The following PIGB variants were observed in gnomAD, a reference collection of about 807,000 sequenced individuals.
The protein encoded by PIGB is phosphatidylinositol glycan anchor biosynthesis class B, also known as GPI alpha-1,2-mannosyltransferase 3.
Under a neutral mutation model 68.4 loss-of-function variants are expected in PIGB, and 58 were observed. That is an observed-to-expected ratio of 0.85 (90% CI 0.69 to 1.06). The LOEUF (loss-of-function observed/expected upper bound fraction) is 1.06, where lower values mean the gene tolerates loss of function less well. Ranked by LOEUF, PIGB falls within the 50% of genes least tolerant of loss-of-function variation. PIGB has a pLI of 0.00. For missense variants in PIGB, 634 were observed against 655.8 expected (o/e 0.97, Z 0.36); for synonymous variants, 219 against 220.5 (o/e 0.99, Z 0.06).
chr15:55,328,115 G>T (rs983740117), intron 4 of PIGB, among the ~76,000 whole-genome samples: 2 of 152,202 alleles, frequency 1.3e-5, no homozygotes, highest in Non-Finnish European at 2.9e-5. Context: ...AAAAGTAATT[G>T]TCGTTTGTGC....
rs116362280 is a variant in PIGB at position 55,341,382 on chromosome 15, T to A, written c.1059-356T>A. Among the ~76,000 whole-genome samples the A allele has an allele frequency of 9.5e-3, 1,449 of 152,046 alleles. 19 individuals carry two copies. The highest frequency in any genetic ancestry group is 0.033 in the African/African-American group (1,373 of 41,482). On this transcript the variant is annotated intron_variant, in intron 8 of 11. Coordinates refer to ENST00000164305, the MANE Select transcript of PIGB (RefSeq NM_004855.5). Reference sequence around the variant, plus strand: ...TCTCAGTCAATCAGTCAATCAATACTACCAAAATTTTAAATTGAAGGACCA... The same window carrying A: ...TCTCAGTCAATCAGTCAATCAATACAACCAAAATTTTAAATTGAAGGACCA...
At chr15:55,349,251 T>C (rs1039360984) in intron 9 of PIGB, among the ~76,000 whole-genome samples, 5 of 152,074 alleles carry the variant, frequency 3.3e-5, no homozygotes, top group African/African-American at 1.2e-4. Flanking sequence ...GGCGTGGTCA[T>C]AGCTCACTGT....
At chr15:55,334,630 A>G (rs370674679) in intron 6 of PIGB, among the ~76,000 whole-genome samples, 1 of 152,226 alleles carries the variant, frequency 6.6e-6, no homozygotes, top group East Asian at 1.9e-4. Context: ...GCATAATGAC[A>G]TTTTGGTTAG....
At chr15:55,324,077 G>A (rs984686773) in intron 3 of PIGB, among the ~76,000 whole-genome samples, 5 of 152,092 alleles carry the variant, frequency 3.3e-5, no homozygotes, top group Admixed American at 6.6e-5. Flanking sequence ...TAGTAGAGAC[G>A]GGGTTTCACC....
chr15:55,334,166 T>C (rs1482035523), intron 6 of PIGB, among the ~76,000 whole-genome samples, 159 bp downstream of exon 6: 5 of 152,248 alleles, frequency 3.3e-5, no homozygotes, highest in Admixed American at 3.3e-4. Context: ...ATTTTTTATT[T>C]ATGATCCTGA....
rs375047051 is a variant in PIGB, at chr15:55,355,312, C to A, written c.1545C>A (p.Ser515Arg). The part of the protein sequence containing the change: ...EEEISAFLIS[S>R]NYKRTAVFFH... ...AAATAAGCGCTTTCCTAATTTCAAG[C>A]AATTATAAAAGAACTGCTGTTTTCT... Residue 515 changes from serine to arginine, a missense_variant, in exon 12 of 12, where the codon AGC becomes AGA. Coordinates refer to ENST00000164305, the MANE Select transcript of PIGB (RefSeq NM_004855.5). 1.2e-5 allele frequency: 19 copies of A among 1,609,060 alleles called. No homozygotes were observed. The highest frequency in any genetic ancestry group is 1.5e-5 in the Non-Finnish European group (18 of 1,177,154).
intron 3 of PIGB, among the ~76,000 whole-genome samples, chr15:55,325,224 G>A (rs1288797097): frequency 6.6e-6 from 1 of 152,220 alleles, no homozygotes; most frequent in East Asian, 1.9e-4. Context: ...TACTTGGGAG[G>A]CTAAGGCAGG....
chr15:55,354,576 G>A (rs1470301146), intron 10 of PIGB: 1 of 464,976 alleles, frequency 2.2e-6, no homozygotes, highest in Non-Finnish European at 3.7e-6. Context: ...CACTAGTTTG[G>A]GCTTATAGGT....
Position 55,340,826 on chromosome 15 carries a change from A to T in PIGB, c.1058+3A>T. ...CTGTGGACACTGCTTGTTTATAGGT[A>T]AGATTTTATTTGTTCAAAAGGCTAA... On this transcript the variant is annotated splice_donor_region_variant and intron_variant, in intron 8 of 11. Coordinates refer to ENST00000164305, the MANE Select transcript of PIGB (RefSeq NM_004855.5). 6.4e-7 allele frequency: 1 copy of T among 1,556,118 alleles called. No homozygotes were observed. The highest frequency in any genetic ancestry group is 8.7e-7 in the Non-Finnish European group (1 of 1,144,046).
At chr15:55,320,922 C>T (rs923852049) in intron 2 of PIGB, among the ~76,000 whole-genome samples, 2 of 152,116 alleles carry the variant, frequency 1.3e-5, no homozygotes, top group African/African-American at 4.8e-5. Flanking sequence ...ATACTTGACA[C>T]AGCCGTTAGC....
At position 55,333,857 on chromosome 15, in the gene PIGB, C is replaced by T; in HGVS notation, c.654-10C>T. On this transcript the variant is annotated splice_polypyrimidine_tract_variant and intron_variant, in intron 5 of 11. Transcript: ENST00000164305. ...TCCCACTTGTCTTATCACACATTTT[C>T]CTCTTATAGTGTCAAATACTCATCC... 3 of 1,539,574 alleles carry T rather than the reference C, an allele frequency of 1.9e-6. No homozygotes were observed. The highest frequency in any genetic ancestry group is 1.8e-6 in the Non-Finnish European group (2 of 1,142,060).
rs745592270 is a variant in PIGB, at chr15:55,320,403, G to C, written c.292G>C (p.Val98Leu). ...WQSLEVSHHM[V>L]FNYGYLTWEW... ...GTCTCTTGAAGTTTCACATCACATG[G>C]TTTTCAAATATCCTTTGTGGTTTCT... is the stretch of plus-strand genomic sequence containing the variant. The change falls in exon 2 of 12, where the codon GTT (valine) becomes CTT (leucine). Residue 98 changes from valine (V) to leucine (L), a missense_variant. Val to Leu is a conservative substitution (Grantham distance 32, BLOSUM62 1). Coordinates refer to ENST00000164305, the MANE Select transcript of PIGB (RefSeq NM_004855.5). 5.6e-6 allele frequency: 9 copies of C among 1,612,880 alleles called. No individual in the cohort carries two copies. Among genetic ancestry groups the C allele is most frequent in the Non-Finnish European group, 7.6e-6 (9 of 1,179,528 alleles).
Position 55,354,822 on chromosome 15 carries a change from GAGA to G in PIGB, c.1363_1365del (p.Arg455del). The stretch of plus-strand genomic sequence containing the variant: ...GCCATGTTCACTGCCCACTTCCCAT[GAGA>G]TTTCTCCAGTGCCCGCCAGACCTGA... On this transcript the variant is annotated inframe_deletion, in exon 11 of 12. Coordinates refer to ENST00000164305, the MANE Select transcript of PIGB (RefSeq NM_004855.5). 1 of 1,611,374 alleles carries G rather than the reference GAGA, an allele frequency of 6.2e-7. No individual in the cohort carries two copies. Among genetic ancestry groups the G allele is most frequent in the Non-Finnish European group, 8.5e-7 (1 of 1,179,212 alleles).
intron 10 of PIGB, among the ~76,000 whole-genome samples, chr15:55,352,631 C>CA (rs1212803200): frequency 1.3e-5 from 2 of 151,750 alleles, no homozygotes; most frequent in South Asian, 2.1e-4. Flanking sequence ...TACTAAAATA[C>CA]AAAAAAAATT....
chr15:55,336,642 C>T (rs897069278), intron 6 of PIGB, among the ~76,000 whole-genome samples: 1 of 152,148 alleles, frequency 6.6e-6, no homozygotes, highest in African/African-American at 2.4e-5. Context: ...GTTGAAAAAT[C>T]GTAGGTTGAA....
chr15:55,333,503 G>A lies in PIGB; in HGVS notation c.654-364G>A, dbSNP rs536785019. On this transcript the variant is annotated intron_variant, in intron 5 of 11. Transcript: ENST00000164305. ...CCCAGCACTTTAGGAGGCTGAGGTGGGCAGATCACCTGACGTCAGGAGTTT... is the reference window on the plus strand; with the variant it reads ...CCCAGCACTTTAGGAGGCTGAGGTGAGCAGATCACCTGACGTCAGGAGTTT... 2.1e-4 allele frequency among the ~76,000 whole-genome samples: 32 copies of A among 152,264 alleles called. 1 individual carries two copies. Among genetic ancestry groups the A allele is most frequent in the Middle Eastern group, 6.8e-3 (2 of 294 alleles).
Position 55,350,725 on chromosome 15 carries a change from T to A in PIGB, c.1150T>A (p.Trp384Arg). Residue 384 changes from tryptophan (W) to arginine (R), a missense_variant, in exon 10 of 12, where the codon TGG (tryptophan) becomes AGG (arginine). Trp to Arg is a moderately radical substitution (Grantham distance 101, BLOSUM62 -3). Transcript: ENST00000164305. The stretch of plus-strand genomic sequence containing the variant: ...ATACTCATTAACCCACCTGAAAACA[T>A]GGAAGAAACCAGCTCTAAGTTTCCT... ...CGYSLTHLKT[W>R]KKPALSFLFL... 1 of 1,613,436 alleles carries A rather than the reference T, an allele frequency of 6.2e-7. No homozygotes were observed. Among genetic ancestry groups the A allele is most frequent in the Non-Finnish European group, 8.5e-7 (1 of 1,179,456 alleles).
At chr15:55,321,449 G>T in intron 3 of PIGB, 59 bp downstream of exon 3, 1 of 1,423,218 alleles carries the variant, frequency 7.0e-7, no homozygotes, top group South Asian at 1.3e-5. Flanking sequence ...TTTTTAAAAG[G>T]CTACTGTTGC....
chr15:55,321,646 C>CTTTTTTTTTTTTTTTTTTTTTTTTTT (rs966940527), intron 3 of PIGB, among the ~76,000 whole-genome samples: 1 of 68,348 alleles, frequency 1.5e-5, no homozygotes, highest in Non-Finnish European at 2.6e-5. Context: ...ATACTTCTTT[C>CTTTTTTTTTTTTTTTTTTTTTTTTTT]TTTTTTTTTT....
Sources: allele counts gnomAD v4.1 joint callset (sites outside exome capture counted in the v4.1 genomes callset), GRCh38; gene constraint gnomAD v4.1.1; transcripts MANE v1.5; gene names NCBI Gene and HGNC (gene_info 2026-07-23, HGNC 2026-07-21).